PCDHGA7: variants seen among roughly 807,000 people sequenced by gnomAD.
PCDHGA7 encodes protocadherin gamma subfamily A, 7.
Under a neutral mutation model 58.3 loss-of-function variants are expected in PCDHGA7, and 44 were observed. The observed-to-expected ratio is 0.75, with a 90% CI of 0.59 to 0.97. The LOEUF is 0.97. Ranked by LOEUF, PCDHGA7 falls within the 50% of genes least tolerant of loss-of-function variation. The pLI, the probability that PCDHGA7 is intolerant of heterozygous loss-of-function variation, is 0.00. For missense variants in PCDHGA7, 1,266 were observed against 1,188.7 expected (o/e 1.06, Z -0.96); for synonymous variants, 516 against 504.2 (o/e 1.02, Z -0.31).
chr5:141,415,783 A>G, intron 1 of PCDHGA7: 1 of 1,344,604 alleles, frequency 7.4e-7, no homozygotes, highest in Non-Finnish European at 9.5e-7. Context: ...ACTTTCTGGT[A>G]AAATTCACCT....
chr5:141,433,093 G>A (rs1203083573), intron 1 of PCDHGA7: 4 of 1,614,206 alleles, frequency 2.5e-6, no homozygotes, highest in Admixed American at 1.7e-5. Flanking sequence ...ATGCAGACAT[G>A]CTCGTCAGCC....
Position 141,431,887 on chromosome 5 carries a change from T to G in PCDHGA7, c.2424+46564T>G. ...TTTTAAATGTAAATGACCAAGATTC[T>G]GAGGAAAACGGACAGGTGATCTGTT... On this transcript the variant is annotated intron_variant, in intron 1 of 3. Transcript: ENST00000518325. The surrounding 1 kb of genome is among the most constrained non-coding windows in gnomAD (Gnocchi z 4.8). 6.2e-7 allele frequency: 1 copy of G among 1,614,190 alleles called. No individual in the cohort carries two copies. Among genetic ancestry groups the G allele is most frequent in the Non-Finnish European group, 8.5e-7 (1 of 1,179,996 alleles).
At chr5:141,413,299 G>T in intron 1 of PCDHGA7, 1 of 1,613,966 alleles carries the variant, frequency 6.2e-7, no homozygotes, top group Non-Finnish European at 8.5e-7. Flanking sequence ...AATTCCTGAG[G>T]AATTAGAGAA....
Position 141,490,876 on chromosome 5 carries a change from G to T in PCDHGA7, c.2425-3931G>T. On this transcript the variant is annotated intron_variant, in intron 1 of 3. Coordinates refer to ENST00000518325, the MANE Select transcript of PCDHGA7 (RefSeq NM_018920.4). The surrounding 1 kb of genome is among the most constrained non-coding windows in gnomAD (Gnocchi z 5.4). Reference sequence around the variant, plus strand: ...AGACTCCGGCTCTCCCCCATTGCATGCCAACACATCTCTGCATGTGTTTGT... The same window carrying T: ...AGACTCCGGCTCTCCCCCATTGCATTCCAACACATCTCTGCATGTGTTTGT... 6.2e-7 allele frequency: 1 copy of T among 1,613,840 alleles called. No homozygotes were observed. The highest frequency in any genetic ancestry group is 8.5e-7 in the Non-Finnish European group (1 of 1,179,894).
intron 1 of PCDHGA7, chr5:141,415,466 C>T (rs1187128064): frequency 6.2e-7 from 1 of 1,614,224 alleles, no homozygotes. Flanking sequence ...GTCTCTCTCA[C>T]CGCGGACTCG....
At chr5:141,502,368 G>A (rs2099813930) in intron 2 of PCDHGA7, among the ~76,000 whole-genome samples, 1 of 151,996 alleles carries the variant, frequency 6.6e-6, no homozygotes, top group East Asian at 1.9e-4. Context: ...TATTTTTAAA[G>A]AGTCCAGGCC....
Position 141,486,316 on chromosome 5 carries a change from A to G in PCDHGA7, c.2425-8491A>G, listed in dbSNP as rs1251956899. The G allele has an allele frequency of 6.2e-7, 1 of 1,614,066 alleles. No individual in the cohort carries two copies. On this transcript the variant is annotated intron_variant, in intron 1 of 3. Transcript: ENST00000518325. This position sits in a 1 kb window ranked among gnomAD's most constrained non-coding sequence, Gnocchi z 5.0. ...GTGTGCAGGATCCAGACTCAGGGTC[A>G]AACGGAGATGTGAGCCTCCGCATTC...
At chr5:141,409,954 C>T (rs774233531) in intron 1 of PCDHGA7, 3 of 1,613,356 alleles carry the variant, frequency 1.9e-6, no homozygotes, top group South Asian at 1.1e-5. Flanking sequence ...CTGCAGAGCC[C>T]GGCTACCTAG....
At chr5:141,413,702 T>G (rs1448671585) in intron 1 of PCDHGA7, 4 of 1,613,606 alleles carry the variant, frequency 2.5e-6, no homozygotes, top group Non-Finnish European at 3.4e-6. Flanking sequence ...AGCTATCAGC[T>G]CAGCCCCAAT....
Position 141,491,897 on chromosome 5 carries a change from C to G in PCDHGA7, c.2425-2910C>G. The stretch of plus-strand genomic sequence containing the variant: ...GATTAAGGGATGGGGCTCCGAGCAC[C>G]GGGGGTGGTGGCGACTGTGGGCGAG... On this transcript the variant is annotated intron_variant, in intron 1 of 3. Transcript: ENST00000518325. This position sits in a 1 kb window ranked among gnomAD's most constrained non-coding sequence, Gnocchi z 6.9. 7 of 1,432,534 alleles carry G rather than the reference C, an allele frequency of 4.9e-6. No homozygotes were observed. The highest frequency in any genetic ancestry group is 6.5e-6 in the Non-Finnish European group (7 of 1,082,898). 88.7% of individuals were successfully genotyped at this position (1,432,534 alleles called of 1,614,324 possible).
intron 1 of PCDHGA7, chr5:141,408,940 A>G: frequency 1.2e-6 from 2 of 1,613,658 alleles, no homozygotes; most frequent in Non-Finnish European, 1.7e-6. Context: ...GCAGAGACGA[A>G]TATAGAATTA....
chr5:141,444,151 G>T (rs1031944414), intron 1 of PCDHGA7, among the ~76,000 whole-genome samples: 1 of 92,746 alleles, frequency 1.1e-5, no homozygotes, highest in Non-Finnish European at 2.1e-5. Flanking sequence ...GTGTGTACTG[G>T]ATTTTTTTTT....
chr5:141,505,413 C>G lies in PCDHGA7; in HGVS notation c.2504C>G (p.Thr835Ser). ...CCCAGCTCCCAAAATGGCGATGACA[C>G]CGGCACCTGGCCCAACAACCAGTTT... Reference protein sequence around the residue: ...GTSGSQNGDDTGTWPNNQFDT... With the variant: ...GTSGSQNGDDSGTWPNNQFDT... Residue 835 changes from threonine to serine, a missense_variant, in exon 3 of 4, where the codon ACC (threonine) becomes AGC (serine). Physicochemically the swap from Thr to Ser is moderately conservative, Grantham distance 58. Coordinates refer to ENST00000518325, the MANE Select transcript of PCDHGA7 (RefSeq NM_018920.4). 2.5e-6 allele frequency: 4 copies of G among 1,614,202 alleles called. No individual in the cohort carries two copies. In the South Asian group the frequency reaches 4.4e-5, roughly 18 times the overall value.
chr5:141,455,364 G>C (rs2098820282), intron 1 of PCDHGA7, among the ~76,000 whole-genome samples: 1 of 152,252 alleles, frequency 6.6e-6, no homozygotes, highest in South Asian at 2.1e-4. Flanking sequence ...TAGGCAAGAA[G>C]GAAGGGAGAA....
rs774505854 is a variant in PCDHGA7 at position 141,490,507 on chromosome 5, G to A, written c.2425-4300G>A. The A allele has an allele frequency of 5.6e-6, 9 of 1,613,898 alleles. No individual in the cohort carries two copies. The highest frequency in any genetic ancestry group is 4.0e-5 in the African/African-American group (3 of 74,868). ...GGAGGCCACATCCCACTATATCATC[G>A]AGCTGCTGGCCAGCGATGCTGGTTC... On this transcript the variant is annotated intron_variant, in intron 1 of 3. Transcript: ENST00000518325. This position sits in a 1 kb window ranked among gnomAD's most constrained non-coding sequence, Gnocchi z 5.4.
chr5:141,505,925 C>T (rs1161562658), intron 3 of PCDHGA7, among the ~76,000 whole-genome samples: 4 of 152,140 alleles, frequency 2.6e-5, no homozygotes, highest in Admixed American at 1.3e-4. Context: ...CTGGGCCTGG[C>T]GCTTGGAAGC....
At chr5:141,417,117 C>A (rs1199474234) in intron 1 of PCDHGA7, 3 of 151,748 alleles carry the variant, frequency 2.0e-5, no homozygotes, top group Non-Finnish European at 4.4e-5. Context: ...TACAGGACAC[C>A]CTGGATGATG....
chr5:141,438,254 A>G (rs916664408), intron 1 of PCDHGA7, among the ~76,000 whole-genome samples: 1 of 152,170 alleles, frequency 6.6e-6, no homozygotes, highest in Non-Finnish European at 1.5e-5. Context: ...CTGTCATTGA[A>G]GAGACCATAG....
intron 3 of PCDHGA7, among the ~76,000 whole-genome samples, chr5:141,509,686 G>A (rs1350812680): frequency 6.6e-6 from 1 of 152,212 alleles, no homozygotes; most frequent in Non-Finnish European, 1.5e-5. Flanking sequence ...CTTCTGTACA[G>A]TGGGACGTTG....
Sources: gnomAD v4.1 joint callset for allele counts (sites outside exome capture counted in the v4.1 genomes callset) on GRCh38, gnomAD v4.1.1 for gene constraint, Gnocchi (gnomAD v3.1) non-coding constraint, MANE v1.5 for transcripts, NCBI Gene and HGNC (gene_info 2026-07-23, HGNC 2026-07-21) for gene names.